DYNLT5: variants seen among roughly 807,000 people sequenced by gnomAD.
DYNLT5 encodes dynein light chain Tctex-type 5.
Under a neutral mutation model 19.3 loss-of-function variants are expected in DYNLT5, and 25 were observed. The ratio of observed to expected loss-of-function variants is 1.30; its 90% confidence interval spans 0.95 to 1.81. The LOEUF (loss-of-function observed/expected upper bound fraction) is 1.81, where lower values mean the gene tolerates loss of function less well. Among genes scored for constraint, DYNLT5 ranks in the 40% most tolerant of loss-of-function variants. The pLI, the probability that DYNLT5 is intolerant of heterozygous loss-of-function variation, is 0.00. For synonymous variants in DYNLT5, 82 were observed against 68.9 expected (o/e 1.19, Z -0.94); for missense variants, 232 against 217.9 (o/e 1.06, Z -0.41).
intron 2 of DYNLT5, among the ~76,000 whole-genome samples, chr1:66,765,612 A>G (rs1216789874): frequency 6.6e-6 from 1 of 151,478 alleles, no homozygotes; most frequent in Non-Finnish European, 1.5e-5. Flanking sequence ...TAAAGAGTAA[A>G]TATGTTCTAA....
chr1:66,774,412 A>ATCTG (rs1645223092), intron 3 of DYNLT5, among the ~76,000 whole-genome samples: 2 of 96,870 alleles, frequency 2.1e-5, no homozygotes, highest in Admixed American at 1.0e-4. Context: ...ACCACTTTCT[A>ATCTG]GATTCAATCT....
chr1:66,771,647 T>G (rs1645204897), intron 3 of DYNLT5, among the ~76,000 whole-genome samples: 1 of 152,218 alleles, frequency 6.6e-6, no homozygotes, highest in Admixed American at 6.5e-5. Context: ...ATTTGAGTCC[T>G]AAATCCAATT....
intron 2 of DYNLT5, among the ~76,000 whole-genome samples, chr1:66,763,065 C>T (rs1430254665): frequency 6.6e-6 from 1 of 152,116 alleles, no homozygotes; most frequent in African/African-American, 2.4e-5. Flanking sequence ...CTCCTTGATC[C>T]ATGGGCTGCA....
Position 66,768,499 on chromosome 1 carries a change from A to G in DYNLT5, c.120-1888A>G, listed in dbSNP as rs923320379. 1.1e-4 allele frequency among the ~76,000 whole-genome samples: 16 copies of G among 152,324 alleles called. No homozygotes were observed. The South Asian group carries it at 2.7e-3, about 26-fold the overall frequency. The stretch of plus-strand genomic sequence containing the variant: ...TGCAAAACTTTCTATTTGCACACCA[A>G]TCTTCAACCAGTGGGATTTTTAAGC... On this transcript the variant is annotated intron_variant, in intron 2 of 4. Coordinates refer to ENST00000282670, the MANE Select transcript of DYNLT5 (RefSeq NM_152665.3).
chr1:66,768,812 G>C (rs1572549412), intron 2 of DYNLT5: 2 of 152,104 alleles, frequency 1.3e-5, no homozygotes. Flanking sequence ...TTTTCATTCT[G>C]TCTGTTATAA....
rs1027244055 is a variant in DYNLT5, at chr1:66,772,232, G to A, written c.211+1754G>A. On this transcript the variant is annotated intron_variant, in intron 3 of 4. Transcript: ENST00000282670. ...TGGTTCTAGAGACTATACAGGAAAC[G>A]TGGTGCCAACATCTGCTTCTGGTAA... Among the ~76,000 whole-genome samples, 6 of 152,312 alleles carry A rather than the reference G, an allele frequency of 3.9e-5. No individual in the cohort carries two copies. In the South Asian group the frequency reaches 8.3e-4, roughly 21 times the overall value.
At chr1:66,775,898 G>A (rs549383917) in intron 3 of DYNLT5, among the ~76,000 whole-genome samples, 19 of 152,232 alleles carry the variant, frequency 1.2e-4, no homozygotes, top group Admixed American at 8.5e-4. Flanking sequence ...TTTAGACCTC[G>A]CTAAGGGGAA....
chr1:66,754,238 T>A (rs763413051), intron 1 of DYNLT5, among the ~76,000 whole-genome samples: 6 of 152,150 alleles, frequency 3.9e-5, no homozygotes, highest in Admixed American at 6.5e-5. Context: ...AGACCCTGTC[T>A]CAAAAATAAA....
chr1:66,771,229 T>C (rs1311835662), intron 3 of DYNLT5, among the ~76,000 whole-genome samples: 2 of 152,076 alleles, frequency 1.3e-5, no homozygotes, highest in African/African-American at 2.4e-5. Flanking sequence ...TCTACAGGAG[T>C]CCCCAAGACT....
intron 3 of DYNLT5, among the ~76,000 whole-genome samples, chr1:66,771,978 T>C (rs1645206741): frequency 6.6e-6 from 1 of 152,228 alleles, no homozygotes; most frequent in South Asian, 2.1e-4. Flanking sequence ...CAATAGTCTA[T>C]GTGAATTTTT....
chr1:66,777,617 AG>A lies in DYNLT5; in HGVS notation c.*167del. Reference sequence around the variant, plus strand: ...TTCATATTCTAGTAAAGATTTGGGGAGGGGAGGGTAGCCACAGAAAGAATCT... The same window carrying A: ...TTCATATTCTAGTAAAGATTTGGGGAGGGAGGGTAGCCACAGAAAGAATCT... On this transcript the variant is annotated 3_prime_UTR_variant, in exon 5 of 5. Transcript: ENST00000282670. 7.4e-6 allele frequency: 4 copies of A among 537,568 alleles called. No individual in the cohort carries two copies. The highest frequency in any genetic ancestry group is 1.3e-5 in the Non-Finnish European group (4 of 315,630). 33.3% of individuals were successfully genotyped at this position (537,568 alleles called of 1,614,324 possible).
At position 66,777,461 on chromosome 1, in the gene DYNLT5, A is replaced by G. The variant is rs760701537; in HGVS notation, c.*7A>G. 1 of 1,610,438 alleles carries G rather than the reference A, an allele frequency of 6.2e-7. No individual in the cohort carries two copies. Among genetic ancestry groups the G allele is most frequent in the Non-Finnish European group, 8.5e-7 (1 of 1,177,914 alleles). On this transcript the variant is annotated 3_prime_UTR_variant, in exon 5 of 5. Coordinates refer to ENST00000282670, the MANE Select transcript of DYNLT5 (RefSeq NM_152665.3). ...TGCAGTTTACCTTGAGTGATTGAAA[A>G]TAAGAAATCTAGCTCTTACTTTTGA...
intron 2 of DYNLT5, among the ~76,000 whole-genome samples, chr1:66,766,389 A>G (rs1348297010): frequency 6.6e-6 from 1 of 152,210 alleles, no homozygotes; most frequent in East Asian, 1.9e-4. Context: ...CTGGTAATTA[A>G]AATTATAAAT....
intron 2 of DYNLT5, among the ~76,000 whole-genome samples, chr1:66,769,494 G>T (rs1184461946): frequency 6.6e-6 from 1 of 151,672 alleles, no homozygotes; most frequent in Non-Finnish European, 1.5e-5. Context: ...CAAAAACATA[G>T]CCTGCTTAGA....
Position 66,776,265 on chromosome 1 carries a change from A to G in DYNLT5, c.212-14A>G. 1 of 1,609,930 alleles carries G rather than the reference A, an allele frequency of 6.2e-7. No individual in the cohort carries two copies. Among genetic ancestry groups the G allele is most frequent in the South Asian group, 1.1e-5 (1 of 90,344 alleles). On this transcript the variant is annotated splice_polypyrimidine_tract_variant and intron_variant, in intron 3 of 4. Transcript: ENST00000282670. ...AAATTACTTTTTAGAAATAAATTTT[A>G]TGTGTATTTTCAGGTCCTCCCAAAC...
At chr1:66,773,964 G>T (rs1442745801) in intron 3 of DYNLT5, among the ~76,000 whole-genome samples, 1 of 152,062 alleles carries the variant, frequency 6.6e-6, no homozygotes, top group African/African-American at 2.4e-5. Flanking sequence ...TTAGGGGAAA[G>T]GTAACAAAGA....
chr1:66,757,877 A>G (rs918044497), intron 2 of DYNLT5, among the ~76,000 whole-genome samples: 1 of 152,198 alleles, frequency 6.6e-6, no homozygotes, highest in Non-Finnish European at 1.5e-5. Flanking sequence ...GGACACAGCC[A>G]TTCCTATTCA....
At chr1:66,771,814 G>T (rs1645205914) in intron 3 of DYNLT5, among the ~76,000 whole-genome samples, 1 of 152,212 alleles carries the variant, frequency 6.6e-6, no homozygotes, top group African/African-American at 2.4e-5. Context: ...CCAGTGAAAT[G>T]TGAATCTCTG....
intron 2 of DYNLT5, among the ~76,000 whole-genome samples, chr1:66,769,515 C>T (rs933228391): frequency 1.4e-5 from 2 of 144,820 alleles, no homozygotes; most frequent in African/African-American, 5.3e-5. Flanking sequence ...AAAGTGGTCA[C>T]TCTGAACACA....
Sources: gnomAD v4.1 joint callset for allele counts (sites outside exome capture counted in the v4.1 genomes callset) on GRCh38, gnomAD v4.1.1 for gene constraint, MANE v1.5 for transcripts, NCBI Gene and HGNC (gene_info 2026-07-23, HGNC 2026-07-21) for gene names.